CCDC32: variants seen among roughly 807,000 people sequenced by gnomAD.
CCDC32 encodes coiled-coil domain containing 32, also known as coiled-coil domain-containing protein 32.
A neutral mutation model predicts 20.1 loss-of-function variants in CCDC32; 9 were observed. The ratio of observed to expected loss-of-function variants is 0.45; its 90% CI spans 0.27 to 0.78. The LOEUF (loss-of-function observed/expected upper bound fraction) is 0.78. Among genes scored for constraint, CCDC32 ranks in the 30% least tolerant of loss-of-function variants. The pLI is 0.16. For missense variants in CCDC32, 204 were observed against 215.5 expected, an observed-to-expected ratio of 0.95 and a Z score of 0.33; for synonymous variants, 63 against 79.0, an observed-to-expected ratio of 0.80 and a Z score of 1.07.
At chr15:40,535,722 T>G, downstream of CCDC32, 4 of 838,256 alleles carry the variant, frequency 4.8e-6, no homozygotes, top group Non-Finnish European at 5.8e-6. Flanking sequence ...CACATGTGGT[T>G]TATTTAATCA....
intron 3 of CCDC32, among the ~76,000 whole-genome samples, chr15:40,546,708 A>ATT (rs35672819): frequency 0.026 from 3,807 of 146,110 alleles, 135 homozygotes; most frequent in African/African-American, 0.084. Context: ...GTGTTTTGCA[A>ATT]TTTTTTTTTT....
At chr15:40,556,078 A>G (rs185591432) in intron 3 of CCDC32, among the ~76,000 whole-genome samples, 2 of 152,356 alleles carry the variant, frequency 1.3e-5, no homozygotes, top group East Asian at 1.9e-4. Context: ...AGATCAGGAA[A>G]CTGAGGCACA....
chr15:40,534,496 T>C (rs1008904883), downstream of CCDC32: 1 of 161,012 alleles, frequency 6.2e-6, no homozygotes, highest in African/African-American at 2.4e-5. Flanking sequence ...GGAAGCCCCT[T>C]CTAAAACCAT....
At chr15:40,533,728 A>T (rs1354227674), downstream of CCDC32, among the ~76,000 whole-genome samples, 1 of 152,210 alleles carries the variant, frequency 6.6e-6, no homozygotes, top group East Asian at 1.9e-4. Flanking sequence ...GTATTATAAG[A>T]TGCCAAATAA....
At chr15:40,528,723 G>A (rs1273809532) in exon 4 of CCDC32, 1 of 700,618 alleles carries the variant, frequency 1.4e-6, no homozygotes, top group Non-Finnish European at 2.6e-6. Context: ...CAAGCGAATG[G>A]GAAACTTCTT....
At chr15:40,535,287 A>G (rs1411858248), downstream of CCDC32, 12 of 1,320,994 alleles carry the variant, frequency 9.1e-6, no homozygotes, top group Non-Finnish European at 9.7e-6. Flanking sequence ...CCCAAACTGT[A>G]TGAGCACCTT....
chr15:40,563,767 A>G (rs1167163768), intron 1 of CCDC32, among the ~76,000 whole-genome samples: 1 of 152,078 alleles, frequency 6.6e-6, no homozygotes, highest in Non-Finnish European at 1.5e-5. Context: ...AAAGATCTCC[A>G]AAATGCAACA....
At chr15:40,524,730 T>C (rs1197337349), downstream of CCDC32, among the ~76,000 whole-genome samples, 1 of 144,198 alleles carries the variant, frequency 6.9e-6, no homozygotes, top group East Asian at 2.0e-4. Context: ...CAAGCTGTTC[T>C]TTTTCTTTCT....
chr15:40,522,828 C>CT, the CCDC32 span, among the ~76,000 whole-genome samples: 96,342 of 131,002 alleles, frequency 0.74, 38,203 homozygotes, highest in East Asian at 0.87. Flanking sequence ...GTTTTCCTTT[C>CT]TTTTTTTTTT....
downstream of CCDC32, chr15:40,535,691 C>A (rs1889079879): frequency 2.1e-6 from 2 of 967,664 alleles, no homozygotes; most frequent in Middle Eastern, 5.4e-4. Flanking sequence ...GCAGGGAAGT[C>A]ATCAGTGTGC....
intron 3 of CCDC32, among the ~76,000 whole-genome samples, chr15:40,539,953 G>A (rs1395740724): frequency 6.6e-6 from 1 of 151,746 alleles, no homozygotes; most frequent in Non-Finnish European, 1.5e-5. Flanking sequence ...ACTTCGCCCA[G>A]GTGGTGAAAT....
At chr15:40,525,973 G>A (rs1894895829), downstream of CCDC32, among the ~76,000 whole-genome samples, 1 of 150,528 alleles carries the variant, frequency 6.6e-6, no homozygotes, top group African/African-American at 2.4e-5. Flanking sequence ...TGACCTGCAA[G>A]TCACCGTGGA....
At chr15:40,556,367 T>C (rs1306660782) in intron 3 of CCDC32, among the ~76,000 whole-genome samples, 1 of 151,098 alleles carries the variant, frequency 6.6e-6, no homozygotes, top group Non-Finnish European at 1.5e-5. Flanking sequence ...GGTATGTCTT[T>C]ATATATATTT....
downstream of CCDC32, chr15:40,552,771 C>CAAAAAAAAAAAAAAAAAAA (rs10675441): frequency 8.7e-5 from 6 of 68,778 alleles, 3 homozygotes; most frequent in African/African-American, 2.0e-4. Context: ...AGTGCGACCT[C>CAAAAAAAAAAAAAAAAAAA]AAAAAAAAAA....
chr15:40,552,414 G>C (rs561674191), downstream of CCDC32, among the ~76,000 whole-genome samples: 9 of 150,046 alleles, frequency 6.0e-5, no homozygotes, highest in African/African-American at 2.2e-4. Context: ...CCGGGAGGCA[G>C]AGGTTGCGGG....
chr15:40,535,176 A>G (rs1889057951), downstream of CCDC32: 2 of 1,245,394 alleles, frequency 1.6e-6, no homozygotes, highest in Non-Finnish European at 2.2e-6. Context: ...ACGGTGGCAT[A>G]TAAGATGAAT....
chr15:40,540,791 T>C (rs541651140), intron 3 of CCDC32, among the ~76,000 whole-genome samples: 1 of 152,314 alleles, frequency 6.6e-6, no homozygotes, highest in African/African-American at 2.4e-5. Context: ...GTGCCCCTAA[T>C]GTCACCATGT....
At chr15:40,546,128 A>G (rs1039524018) in intron 3 of CCDC32, among the ~76,000 whole-genome samples, 7 of 150,966 alleles carry the variant, frequency 4.6e-5, no homozygotes, top group African/African-American at 1.5e-4. Flanking sequence ...TGTGGAAGCA[A>G]TTCATCTCTA....
downstream of CCDC32, chr15:40,532,337 A>G (rs192354843): frequency 5.7e-6 from 4 of 702,254 alleles, no homozygotes; most frequent in African/African-American, 7.0e-5. Flanking sequence ...TATGACAAAC[A>G]TAAGGCTCCA....
Sources: gnomAD v4.1 joint callset for allele counts (sites outside exome capture counted in the v4.1 genomes callset) on GRCh38, gnomAD v4.1.1 for gene constraint, MANE v1.5 for transcripts, NCBI Gene and HGNC (gene_info 2026-07-23, HGNC 2026-07-21) for gene names.